CSNK2A2IP: variants seen among roughly 807,000 people sequenced by gnomAD.
The protein encoded by CSNK2A2IP is casein kinase 2 subunit alpha' interacting protein, also known as casein kinase II subunit alpha'-interacting protein.
chr3:88,372,505 C>G, the CSNK2A2IP span, among the ~76,000 whole-genome samples: 2 of 151,016 alleles, frequency 1.3e-5, no homozygotes, highest in African/African-American at 4.8e-5. Context: ...TAATAATACA[C>G]AAGAAAAGTT....
chr3:88,460,218 C>T, the CSNK2A2IP span, among the ~76,000 whole-genome samples: 723 of 151,850 alleles, frequency 4.8e-3, 2 homozygotes, highest in African/African-American at 0.017. Flanking sequence ...AATTTTCTCC[C>T]ATTTTTTAGT....
the CSNK2A2IP span, among the ~76,000 whole-genome samples, chr3:88,433,317 C>CTA: frequency 3.3e-5 from 5 of 151,866 alleles, no homozygotes; most frequent in Admixed American, 3.3e-4. Context: ...TTTGTACACC[C>CTA]TATATATAGC....
At chr3:88,401,733 T>C in the CSNK2A2IP span, among the ~76,000 whole-genome samples, 2 of 152,058 alleles carry the variant, frequency 1.3e-5, no homozygotes, top group Non-Finnish European at 2.9e-5. Context: ...TGCCATGTCT[T>C]AAGTAGCTAA....
At chr3:88,437,312 T>A in the CSNK2A2IP span, among the ~76,000 whole-genome samples, 1 of 152,200 alleles carries the variant, frequency 6.6e-6, no homozygotes, top group Non-Finnish European at 1.5e-5. Flanking sequence ...TTTATCTTAC[T>A]GGAGGGCCAT....
the CSNK2A2IP span, among the ~76,000 whole-genome samples, chr3:88,385,942 A>T: frequency 1.3e-5 from 2 of 152,332 alleles, no homozygotes; most frequent in East Asian, 3.9e-4. Context: ...GTGAAAGTGA[A>T]CAAGAAACAT....
chr3:88,413,419 G>A, the CSNK2A2IP span, among the ~76,000 whole-genome samples: 10 of 151,966 alleles, frequency 6.6e-5, 1 homozygote, highest in African/African-American at 2.4e-4. Context: ...GGATGATTGG[G>A]AGAATTTGTA....
At chr3:88,440,246 C>G in the CSNK2A2IP span, among the ~76,000 whole-genome samples, 1 of 152,050 alleles carries the variant, frequency 6.6e-6, no homozygotes. Flanking sequence ...ATGTTAGTGG[C>G]AAAGAACTTT....
the CSNK2A2IP span, among the ~76,000 whole-genome samples, chr3:88,381,054 T>A: frequency 1.3e-5 from 2 of 152,166 alleles, no homozygotes; most frequent in Non-Finnish European, 2.9e-5. Context: ...CGCCAGGCTC[T>A]TGCTTATGTT....
At chr3:88,350,600 GAAAAA>G in the CSNK2A2IP span, among the ~76,000 whole-genome samples, 1 of 111,480 alleles carries the variant, frequency 9.0e-6, no homozygotes, top group African/African-American at 3.0e-5. Flanking sequence ...CAAAGATGAT[GAAAAA>G]AAAAAAAACA....
At chr3:88,413,719 T>C in the CSNK2A2IP span, among the ~76,000 whole-genome samples, 2 of 152,082 alleles carry the variant, frequency 1.3e-5, no homozygotes, top group African/African-American at 2.4e-5. Context: ...TTTCAGACTT[T>C]CAGTGTTTTT....
the CSNK2A2IP span, among the ~76,000 whole-genome samples, chr3:88,410,037 C>T: frequency 3.7e-3 from 568 of 152,140 alleles, 3 homozygotes; most frequent in Middle Eastern, 0.017. Flanking sequence ...CTGAGAAATC[C>T]TAGCTGGACT....
At chr3:88,443,467 GAAAA>G in the CSNK2A2IP span, among the ~76,000 whole-genome samples, 1 of 152,172 alleles carries the variant, frequency 6.6e-6, no homozygotes, top group East Asian at 1.9e-4. Flanking sequence ...CAGATGAAGA[GAAAA>G]GTCTTGGAAG....
the CSNK2A2IP span, among the ~76,000 whole-genome samples, chr3:88,355,575 G>T: frequency 6.6e-6 from 1 of 152,106 alleles, no homozygotes; most frequent in South Asian, 2.1e-4. Context: ...TTTCTGATAT[G>T]TAGTTTCAAA....
the CSNK2A2IP span, chr3:88,466,636 G>T: frequency 8.1e-7 from 1 of 1,229,402 alleles, no homozygotes; most frequent in Non-Finnish European, 1.0e-6. Flanking sequence ...AGGTGGAACT[G>T]TCCCTGATGA....
At chr3:88,369,715 T>C in the CSNK2A2IP span, among the ~76,000 whole-genome samples, 1 of 151,938 alleles carries the variant, frequency 6.6e-6, no homozygotes, top group African/African-American at 2.4e-5. Context: ...GAATTGCTTC[T>C]GGTGAGATAC....
chr3:88,463,528 G>T, the CSNK2A2IP span, among the ~76,000 whole-genome samples: 6 of 152,052 alleles, frequency 3.9e-5, no homozygotes, highest in African/African-American at 1.4e-4. Context: ...AGACATTTAT[G>T]CAGCCAAAAA....
chr3:88,413,988 A>G, the CSNK2A2IP span, among the ~76,000 whole-genome samples: 1 of 151,888 alleles, frequency 6.6e-6, no homozygotes, highest in Middle Eastern at 3.4e-3. Context: ...TTAAGTAAAT[A>G]AAGATATTAA....
chr3:88,387,497 C>G, the CSNK2A2IP span, among the ~76,000 whole-genome samples: 13 of 152,078 alleles, frequency 8.5e-5, no homozygotes, highest in Non-Finnish European at 1.5e-4. Context: ...ATCTATCTTC[C>G]TTACAGTTAT....
At chr3:88,454,215 C>G in the CSNK2A2IP span, among the ~76,000 whole-genome samples, 3 of 151,868 alleles carry the variant, frequency 2.0e-5, no homozygotes, top group African/African-American at 7.3e-5. Context: ...TACTTACATC[C>G]CATTCCAAAT....
Sources: gnomAD v4.1 joint callset for allele counts (sites outside exome capture counted in the v4.1 genomes callset) on GRCh38, gnomAD v4.1.1 for gene constraint, MANE v1.5 for transcripts, NCBI Gene and HGNC (gene_info 2026-07-23, HGNC 2026-07-21) for gene names.